Variants in ITGA8 observed in about 807,000 individuals in gnomAD.
ITGA8 encodes integrin alpha-8.
A neutral mutation model predicts 142.3 loss-of-function variants in ITGA8; 91 were observed. That is an observed-to-expected ratio of 0.64 (90% CI 0.54 to 0.76). The LOEUF (loss-of-function observed/expected upper bound fraction) is 0.76. ITGA8 is among the 30% of genes least tolerant of loss of function. The pLI is 0.00. For synonymous variants in ITGA8, 505 were observed against 485.2 expected, an observed-to-expected ratio of 1.04 and a Z score of -0.54; for missense variants, 1,406 against 1,327.7, an observed-to-expected ratio of 1.06 and a Z score of -0.92.
At chr10:15,646,148 T>G (rs973768850) in intron 12 of ITGA8, among the ~76,000 whole-genome samples, 2 of 152,204 alleles carry the variant, frequency 1.3e-5, no homozygotes, top group African/African-American at 4.8e-5. Context: ...TATTACAGGA[T>G]AGCCAACATC....
At chr10:15,538,406 G>A (rs1276094498) in intron 27 of ITGA8, among the ~76,000 whole-genome samples, 4 of 151,648 alleles carry the variant, frequency 2.6e-5, no homozygotes, top group Non-Finnish European at 5.9e-5. Context: ...CAGCTACTTG[G>A]GAGGCTGAGA....
chr10:15,709,283 C>T (rs763960567), intron 2 of ITGA8, among the ~76,000 whole-genome samples: 1 of 152,214 alleles, frequency 6.6e-6, no homozygotes, highest in African/African-American at 2.4e-5. Flanking sequence ...CTCCCCGAAA[C>T]TTCTCACTTT....
intron 19 of ITGA8, among the ~76,000 whole-genome samples, 198 bp from the exon 20 acceptor site, chr10:15,604,553 T>C (rs1050560604): frequency 3.4e-5 from 5 of 145,624 alleles, no homozygotes; most frequent in African/African-American, 1.3e-4. Context: ...AGTAGTGTGT[T>C]GGTAAATGTT....
chr10:15,617,891 T>C (rs566828355), intron 13 of ITGA8, among the ~76,000 whole-genome samples: 2 of 152,236 alleles, frequency 1.3e-5, no homozygotes, highest in African/African-American at 2.4e-5. Context: ...TGGAATATTA[T>C]GTAGCCATAA....
intron 12 of ITGA8, among the ~76,000 whole-genome samples, chr10:15,646,195 C>T (rs571884302): frequency 5.3e-5 from 8 of 152,212 alleles, no homozygotes; most frequent in African/African-American, 1.9e-4. Flanking sequence ...AGAGCAATGA[C>T]GATTTTTGTA....
intron 15 of ITGA8, among the ~76,000 whole-genome samples, chr10:15,613,102 A>C (rs1833327667): frequency 6.6e-6 from 1 of 152,196 alleles, no homozygotes; most frequent in South Asian, 2.1e-4. Context: ...TGGAGGTTGC[A>C]GTGAGCCAAG....
At chr10:15,527,524 G>A (rs1482024709) in intron 28 of ITGA8, among the ~76,000 whole-genome samples, 1 of 152,158 alleles carries the variant, frequency 6.6e-6, no homozygotes, top group Non-Finnish European at 1.5e-5. Context: ...GCACTGTAAC[G>A]ATTCAGTGTT....
intron 20 of ITGA8, among the ~76,000 whole-genome samples, chr10:15,598,455 C>T (rs867590063): frequency 1.3e-5 from 2 of 151,944 alleles, no homozygotes; most frequent in Admixed American, 6.5e-5. Flanking sequence ...AAGCCCAAAC[C>T]GAAAACCCAA....
intron 24 of ITGA8, 50 bp downstream of exon 24, chr10:15,575,439 A>C: frequency 4.1e-6 from 5 of 1,218,228 alleles, no homozygotes; most frequent in Non-Finnish European, 6.1e-6. Flanking sequence ...TTATTTGCAC[A>C]GAGCTTAAGA....
intron 1 of ITGA8, 75 bp downstream of exon 1, chr10:15,719,488 C>T (rs1010644257): frequency 4.4e-6 from 6 of 1,376,042 alleles, no homozygotes; most frequent in Non-Finnish European, 5.7e-6. Flanking sequence ...GGGGGGACTC[C>T]GCGGCAGAGC....
At chr10:15,611,293 C>T (rs1001346492) in intron 15 of ITGA8, among the ~76,000 whole-genome samples, 3 of 152,018 alleles carry the variant, frequency 2.0e-5, no homozygotes, top group African/African-American at 7.2e-5. Flanking sequence ...ACAAATTTTG[C>T]ATGTGAAAAT....
At chr10:15,557,521 CT>C (rs1226993616) in intron 26 of ITGA8, among the ~76,000 whole-genome samples, 2 of 152,188 alleles carry the variant, frequency 1.3e-5, no homozygotes. Context: ...ACACAGCATT[CT>C]TTTTTTAAAA....
chr10:15,644,097 A>G lies in ITGA8; in HGVS notation c.1332T>C (p.His444=), dbSNP rs1379257064. ...SQVLQGVWAS[H]AVPSGFGFTL... ...TAAAGCCAAATCCGGAAGGGACAGCATGTGAGGCCCACACTCCTTGCAGAA... is the reference window on the plus strand; with the variant it reads ...TAAAGCCAAATCCGGAAGGGACAGCGTGTGAGGCCCACACTCCTTGCAGAA... The change falls in exon 13 of 30, where the codon CAT becomes CAC. Residue 444 remains histidine (H), a synonymous_variant. Coordinates refer to ENST00000378076, the MANE Select transcript of ITGA8 (RefSeq NM_003638.3). The G allele has an allele frequency of 1.9e-6, 3 of 1,614,136 alleles. No homozygotes were observed. Among genetic ancestry groups the G allele is most frequent in the Non-Finnish European group, 2.5e-6 (3 of 1,180,000 alleles).
chr10:15,580,618 G>A (rs968347207), intron 23 of ITGA8, among the ~76,000 whole-genome samples: 1 of 152,074 alleles, frequency 6.6e-6, no homozygotes, highest in Admixed American at 6.6e-5. Context: ...TGCAAGATTG[G>A]TTTAAAATTC....
At position 15,531,055 on chromosome 10, in the gene ITGA8, T is replaced by G; in HGVS notation, c.2977A>C (p.Ile993Leu). ...DQPAKLPEGS[I>L]VIKTSVIWAT... ...ATATATTTAAAGATACTCACTACTATGCTTCCTTCTGGGAGTTTTGCTGGC... is the reference window on the plus strand; with the variant it reads ...ATATATTTAAAGATACTCACTACTAGGCTTCCTTCTGGGAGTTTTGCTGGC... The change falls in exon 28 of 30, where the codon ATA becomes CTA. Residue 993 changes from isoleucine to leucine, a missense_variant. Ile to Leu is a conservative substitution (Grantham distance 5). Transcript: ENST00000378076. 1 of 1,483,754 alleles carries G rather than the reference T, an allele frequency of 6.7e-7. No individual in the cohort carries two copies. The highest frequency in any genetic ancestry group is 1.7e-4 in the Middle Eastern group (1 of 5,830). The allele number at this position is 1,483,754 out of a possible 1,614,324, so 91.9% of individuals were successfully genotyped here. A position where few individuals can be genotyped will look rare whatever the true frequency, so the allele number is the denominator to read the frequency against.
At chr10:15,534,036 A>C (rs1326420737) in intron 27 of ITGA8, among the ~76,000 whole-genome samples, 1 of 151,814 alleles carries the variant, frequency 6.6e-6, no homozygotes. Context: ...CCTCCCAAGT[A>C]GCTGGGACTA....
In ITGA8 at chr10:15,687,980, C is replaced by T. The variant is rs781384048; in HGVS notation, c.402G>A (p.Gln134=). 3.7e-6 allele frequency: 6 copies of T among 1,613,688 alleles called. No homozygotes were observed. Among genetic ancestry groups the T allele is most frequent in the Admixed American group, 1.7e-5 (1 of 60,000 alleles). Residue 134 remains glutamine (Q), a synonymous_variant, in exon 3 of 30, where the codon CAG becomes CAA. Coordinates refer to ENST00000378076, the MANE Select transcript of ITGA8 (RefSeq NM_003638.3). ...TKEPIEFKSN[Q]WFGATVKAHK... ...GAGCTTTCACTGTTGCTCCAAACCA[C>T]TGATTGGATTTGAACTCGATAGGTT...
At chr10:15,525,344 C>T (rs138959823) in intron 28 of ITGA8, among the ~76,000 whole-genome samples, 1 of 151,960 alleles carries the variant, frequency 6.6e-6, no homozygotes, top group African/African-American at 2.4e-5. Context: ...CTAATAGTCA[C>T]GTTAAAAGGA....
chr10:15,696,414 C>G (rs553410531), intron 2 of ITGA8, among the ~76,000 whole-genome samples: 2 of 152,106 alleles, frequency 1.3e-5, no homozygotes, highest in Admixed American at 6.5e-5. Context: ...GTCCCCAAAT[C>G]AATGAGAAAA....
Sources: allele counts gnomAD v4.1 joint callset (sites outside exome capture counted in the v4.1 genomes callset), GRCh38; gene constraint gnomAD v4.1.1; transcripts MANE v1.5; gene names NCBI Gene and HGNC (gene_info 2026-07-23, HGNC 2026-07-21).